FAM234A: variants seen among roughly 807,000 people sequenced by gnomAD.
FAM234A encodes family with sequence similarity 234 member A.
In FAM234A, 42 loss-of-function variants were observed where a neutral mutation model predicts 49.1. The observed-to-expected ratio is 0.86, with a 90% CI of 0.67 to 1.11. FAM234A has a LOEUF of 1.11. FAM234A is among the 50% of genes least tolerant of loss of function. FAM234A has a pLI of 0.00. For missense variants in FAM234A, 815 were observed against 745.2 expected (o/e 1.09, Z -1.09); for synonymous variants, 369 against 316.2 (o/e 1.17, Z -1.77).
In FAM234A at chr16:254,561, G is replaced by A. The variant is rs770760004; in HGVS notation, c.148G>A (p.Ala50Thr). Residue 50 changes from alanine to threonine, a missense_variant, in exon 3 of 13, where the codon GCG becomes ACG. Ala to Thr is a moderately conservative substitution (Grantham distance 58). Coordinates refer to ENST00000399932, the MANE Select transcript of FAM234A (RefSeq NM_032039.4). Reference protein sequence around the residue: ...PQSRLSRCRAAAFFLSLFLCL... With the variant: ...PQSRLSRCRATAFFLSLFLCL... ...GTCCCGGCTCTCCCGGTGCCGAGCG[G>A]CGGCGTTTTTTCTTTCATTGTTTCT... 1.9e-6 allele frequency: 3 copies of A among 1,614,082 alleles called. No homozygotes were observed. The South Asian group carries it at 3.3e-5, about 18-fold the overall frequency.
chr16:260,451 G>A (rs931995487), intron 5 of FAM234A: 40 of 515,522 alleles, frequency 7.8e-5, no homozygotes, highest in African/African-American at 6.5e-4. Flanking sequence ...TAGCAGAGAG[G>A]AGGAGCGGCT....
rs1337644394 is a variant in FAM234A at position 264,001 on chromosome 16, C to T, written c.1189-15C>T. ...GCCCCCACGTTGGCCCCCACAGTGT[C>T]CCCTCCCTCCCCAGATCCTGTTTCT... On this transcript the variant is annotated splice_polypyrimidine_tract_variant and intron_variant, in intron 10 of 12. Coordinates refer to ENST00000399932, the MANE Select transcript of FAM234A (RefSeq NM_032039.4). 1 of 1,604,806 alleles carries T rather than the reference C, an allele frequency of 6.2e-7. No individual in the cohort carries two copies. Among genetic ancestry groups the T allele is most frequent in the Admixed American group, 1.7e-5 (1 of 59,390 alleles).
chr16:264,892 C>G lies in FAM234A; in HGVS notation c.1529C>G (p.Ser510Cys), dbSNP rs758460690. The part of the protein sequence containing the change: ...PADSEAPGLV[S>C]VIKHKVRDLV... ...GACTCAGAGGCACCCGGCCTGGTCT[C>G]TGTGATCAAGCACAAGGTGCGGGAC... Residue 510 changes from serine to cysteine, a missense_variant, in exon 13 of 13, where the codon TCT (serine) becomes TGT (cysteine). Physicochemically the swap from Ser to Cys is moderately radical, Grantham distance 112. Coordinates refer to ENST00000399932, the MANE Select transcript of FAM234A (RefSeq NM_032039.4). 2.5e-6 allele frequency: 4 copies of G among 1,612,898 alleles called. No homozygotes were observed. The African/African-American group carries it at 5.3e-5, about 22-fold the overall frequency.
chr16:267,701 A>G (rs1263238089), downstream of FAM234A, among the ~76,000 whole-genome samples: 3 of 147,298 alleles, frequency 2.0e-5, no homozygotes, highest in Non-Finnish European at 4.5e-5. Context: ...ACTACACACA[A>G]TCACACGTGC....
In FAM234A at chr16:262,288, C is replaced by T. The variant is rs566146463; in HGVS notation, c.841+63C>T. 36 of 1,594,270 alleles carry T rather than the reference C, an allele frequency of 2.3e-5. No homozygotes were observed. The East Asian group carries it at 4.9e-4, about 22-fold the overall frequency. ...CGTGGAGCATGACTGCCCTGCGGCT[C>T]CTCAGGTCCTGCTTCTGCTCTCGAG... On this transcript the variant is annotated intron_variant, in intron 7 of 12. Transcript: ENST00000399932.
intron 1 of FAM234A, among the ~76,000 whole-genome samples, chr16:241,645 C>T (rs150683770): frequency 0.037 from 5,554 of 151,814 alleles, 242 homozygotes; most frequent in African/African-American, 0.11. Context: ...AGGCCGGGCG[C>T]GGTGGCTCAG....
chr16:259,827 G>T, intron 4 of FAM234A, 142 bp from the exon 5 acceptor site: 1 of 806,082 alleles, frequency 1.2e-6, no homozygotes. Flanking sequence ...GAGCCTGCAA[G>T]ATACAGGAGA....
At position 247,927 on chromosome 16, in the gene FAM234A, A is replaced by G. The variant is rs74003709; in HGVS notation, c.-139-1622A>G. Among the ~76,000 whole-genome samples, 955 of 152,186 alleles carry G rather than the reference A, an allele frequency of 6.3e-3. 29 individuals are homozygous for G. Among genetic ancestry groups the G allele is most frequent in the African/African-American group, 0.022 (905 of 41,442 alleles). Reference sequence around the variant, plus strand: ...TCGCCCAAGTGGTGGGAGAGTCCCCATGGAGGCACTGCGGGGCCTGACTGT... The same window carrying G: ...TCGCCCAAGTGGTGGGAGAGTCCCCGTGGAGGCACTGCGGGGCCTGACTGT... On this transcript the variant is annotated intron_variant, in intron 1 of 12. Coordinates refer to ENST00000399932, the MANE Select transcript of FAM234A (RefSeq NM_032039.4).
At chr16:267,768 C>T (rs1284115744), downstream of FAM234A, among the ~76,000 whole-genome samples, 2 of 136,954 alleles carry the variant, frequency 1.5e-5, no homozygotes, top group East Asian at 2.4e-4. Flanking sequence ...ACACACAACA[C>T]GTGCACACAC....
chr16:239,423 C>G (rs1433871294), intron 1 of FAM234A, among the ~76,000 whole-genome samples: 1 of 150,654 alleles, frequency 6.6e-6, no homozygotes, highest in African/African-American at 2.4e-5. Flanking sequence ...TCCATCCTGG[C>G]TAACGTGGTG....
Position 264,178 on chromosome 16 carries a change from G to C in FAM234A, c.1344+7G>C, listed in dbSNP as rs1014596201. On this transcript the variant is annotated splice_region_variant and intron_variant, in intron 11 of 12. Coordinates refer to ENST00000399932, the MANE Select transcript of FAM234A (RefSeq NM_032039.4). ...GGGGAGCACCAGCGAGACGGTACGG[G>C]AGCCACCCTCGGAGCAGCCATGCTG... is the stretch of plus-strand genomic sequence containing the variant. 6.3e-7 allele frequency: 1 copy of C among 1,594,558 alleles called. No individual in the cohort carries two copies. Among genetic ancestry groups the C allele is most frequent in the Non-Finnish European group, 8.5e-7 (1 of 1,175,472 alleles).
At chr16:247,804 G>T (rs2050867386) in intron 1 of FAM234A, among the ~76,000 whole-genome samples, 1 of 152,030 alleles carries the variant, frequency 6.6e-6, no homozygotes, top group Non-Finnish European at 1.5e-5. Context: ...TTTCATAAAT[G>T]CCTCAACGGC....
At chr16:245,664 GAA>G (rs11321870) in intron 1 of FAM234A, among the ~76,000 whole-genome samples, 6 of 148,388 alleles carry the variant, frequency 4.0e-5, no homozygotes, top group South Asian at 2.1e-4. Context: ...CTGATGAGCT[GAA>G]AAAAAAAAAT....
rs1377153645 is a variant in FAM234A, at chr16:265,513, C to A, written c.*491C>A. The A allele has an allele frequency of 3.0e-6, 3 of 987,102 alleles. No individual in the cohort carries two copies. Among genetic ancestry groups the A allele is most frequent in the East Asian group, 1.1e-4 (1 of 8,864 alleles). 61.1% of individuals were successfully genotyped at this position (987,102 alleles called of 1,614,324 possible). Reference sequence around the variant, plus strand: ...TCCTGTGCTCTGTCCCCCAAGGAGTCATGGAACTCAGGGTACTGGGCCTCA... The same window carrying A: ...TCCTGTGCTCTGTCCCCCAAGGAGTAATGGAACTCAGGGTACTGGGCCTCA... On this transcript the variant is annotated 3_prime_UTR_variant, in exon 13 of 13. Transcript: ENST00000399932.
chr16:262,472 C>T lies in FAM234A; in HGVS notation c.890C>T (p.Thr297Ile), dbSNP rs1434821460. 2 of 1,612,156 alleles carry T rather than the reference C, an allele frequency of 1.2e-6. No homozygotes were observed. Among genetic ancestry groups the T allele is most frequent in the African/African-American group, 2.7e-5 (2 of 74,882 alleles). The stretch of plus-strand genomic sequence containing the variant: ...GTGAAGGGTCTCTACGAGAAGGTGA[C>T]CGGGAGCGGCGGCCCGTTCAAGAGT... ...CSVKGLYEKVTGSGGPFKSDP... is the reference protein window; with the variant it reads ...CSVKGLYEKVIGSGGPFKSDP... Residue 297 changes from threonine to isoleucine, a missense_variant, in exon 8 of 13, where the codon ACC becomes ATC. Thr to Ile is a moderately conservative substitution (Grantham distance 89). Transcript: ENST00000399932.
At chr16:235,989 C>A (rs983532815) in intron 1 of FAM234A, among the ~76,000 whole-genome samples, 4 of 151,468 alleles carry the variant, frequency 2.6e-5, no homozygotes, top group African/African-American at 9.7e-5. Flanking sequence ...CCCGTCTCTA[C>A]TAAAAATAAA....
At chr16:238,571 C>T (rs2050484681) in intron 1 of FAM234A, among the ~76,000 whole-genome samples, 2 of 151,856 alleles carry the variant, frequency 1.3e-5, no homozygotes, top group South Asian at 4.2e-4. Flanking sequence ...TCGAGACCAT[C>T]CTGGCTAACA....
At chr16:258,973 A>G (rs2141322929) in intron 3 of FAM234A, among the ~76,000 whole-genome samples, 1 of 152,270 alleles carries the variant, frequency 6.6e-6, no homozygotes, top group South Asian at 2.1e-4. Context: ...TAGTAGAGAC[A>G]GGGTTTCACA....
Position 262,104 on chromosome 16 carries a change from C to T in FAM234A, c.720C>T (p.His240=). ...CTGTGTCATTGCAGGTTAGTGGCCACCTCTACTCCGGCAGCACCGGGCACC... is the reference window on the plus strand; with the variant it reads ...CTGTGTCATTGCAGGTTAGTGGCCATCTCTACTCCGGCAGCACCGGGCACC... ...LTQEREEVSG[H]LYSGSTGHQI... The change falls in exon 7 of 13, where the codon CAC becomes CAT. Residue 240 remains histidine, a synonymous_variant. Transcript: ENST00000399932. 1.2e-6 allele frequency: 2 copies of T among 1,614,000 alleles called. No homozygotes were observed. The highest frequency in any genetic ancestry group is 1.7e-6 in the Non-Finnish European group (2 of 1,180,000).
Sources: gnomAD v4.1 joint callset for allele counts (sites outside exome capture counted in the v4.1 genomes callset) on GRCh38, gnomAD v4.1.1 for gene constraint, MANE v1.5 for transcripts, NCBI Gene and HGNC (gene_info 2026-07-23, HGNC 2026-07-21) for gene names.